Variants in FAAH2 observed in about 807,000 individuals in gnomAD.
The protein encoded by FAAH2 is fatty acid amide hydrolase 2, also known as fatty-acid amide hydrolase 2.
In FAAH2, 60 loss-of-function variants were observed where a neutral mutation model predicts 36.9. That is an observed-to-expected ratio of 1.63 (90% confidence interval 1.32 to 2.02). The LOEUF (loss-of-function observed/expected upper bound fraction) is 2.02, where lower values mean the gene tolerates loss of function less well. Among genes scored for constraint, FAAH2 ranks in the 30% most tolerant of loss-of-function variants. The pLI is 0.00. For missense variants in FAAH2, 689 were observed against 397.5 expected (o/e 1.73, Z -6.23); for synonymous variants, 214 against 143.8 (o/e 1.49, Z -3.49).
chrX:57,381,240 A>T (rs1191143764), intron 7 of FAAH2, among the ~76,000 whole-genome samples: 1 of 111,688 alleles, frequency 9.0e-6, no homozygotes, highest in Non-Finnish European at 1.9e-5. Flanking sequence ...TTGAAAATAA[A>T]GTATGATAAA....
chrX:57,156,805 T>C, the FAAH2 span, among the ~76,000 whole-genome samples: 1 of 111,559 alleles, frequency 9.0e-6, no homozygotes, highest in Non-Finnish European at 1.9e-5. Flanking sequence ...GGCACTCCTA[T>C]GACCACTGCA....
the FAAH2 span, among the ~76,000 whole-genome samples, chrX:57,236,045 C>G: frequency 8.9e-6 from 1 of 112,142 alleles, no homozygotes; most frequent in Non-Finnish European, 1.9e-5. Flanking sequence ...CTACTCTTTA[C>G]TTCTGTGAGA....
chrX:57,171,938 G>A, the FAAH2 span, among the ~76,000 whole-genome samples: 1 of 111,784 alleles, frequency 8.9e-6, no homozygotes, highest in African/African-American at 3.2e-5. Context: ...TTCTGTACAA[G>A]GTAAGCAATC....
At chrX:57,420,758 T>A (rs1442391300) in intron 7 of FAAH2, among the ~76,000 whole-genome samples, 1 of 108,219 alleles carries the variant, frequency 9.2e-6, no homozygotes, top group Non-Finnish European at 1.9e-5. Context: ...CAACACTATG[T>A]TGAATAGGAG....
intron 3 of FAAH2, among the ~76,000 whole-genome samples, chrX:57,320,104 T>G (rs903455791): frequency 2.7e-5 from 3 of 111,804 alleles, no homozygotes; most frequent in African/African-American, 9.7e-5. Context: ...GACATAGGCA[T>G]GGGTAAATAA....
chrX:57,327,935 G>GT (rs201002433), intron 3 of FAAH2, among the ~76,000 whole-genome samples: 5 of 111,125 alleles, frequency 4.5e-5, no homozygotes, highest in Non-Finnish European at 5.7e-5. Context: ...AGAGTTTCTG[G>GT]TTTTTTTGCT....
chrX:57,487,961 A>G (rs2057505406), intron 10 of FAAH2, among the ~76,000 whole-genome samples: 1 of 112,049 alleles, frequency 8.9e-6, no homozygotes, highest in Non-Finnish European at 1.9e-5. Context: ...TTTGTCCATA[A>G]AAGAACCATT....
intron 4 of FAAH2, among the ~76,000 whole-genome samples, chrX:57,335,723 A>T (rs112562331): frequency 0.14 from 15,968 of 110,691 alleles, 1,189 homozygotes; most frequent in Non-Finnish European, 0.21. Context: ...GGGCTGGGGG[A>T]CAGTCAGGTC....
At chrX:57,483,673 A>AT (rs2057420082) in intron 10 of FAAH2, among the ~76,000 whole-genome samples, 1 of 98,691 alleles carries the variant, frequency 1.0e-5, no homozygotes, top group South Asian at 4.4e-4. Flanking sequence ...TTCAGATGGT[A>AT]TTTTTCTTTC....
chrX:57,141,167 A>T, the FAAH2 span, among the ~76,000 whole-genome samples: 1 of 110,550 alleles, frequency 9.0e-6, no homozygotes, highest in Non-Finnish European at 1.9e-5. Flanking sequence ...ATTTCATTGA[A>T]TTTTTTTTGG....
intron 5 of FAAH2, among the ~76,000 whole-genome samples, chrX:57,367,701 G>C (rs2054452101): frequency 9.0e-6 from 1 of 111,643 alleles, no homozygotes; most frequent in Admixed American, 9.5e-5. Context: ...CCTCAAATGG[G>C]ATTCACTCAG....
Position 57,288,511 on chromosome X carries a change from G to A in FAAH2, c.192+1494G>A, listed in dbSNP as rs372916230. Among the ~76,000 whole-genome samples, 21 of 107,841 alleles carry A rather than the reference G, an allele frequency of 1.9e-4. No homozygotes were observed. In the East Asian group the frequency reaches 4.4e-3, roughly 22 times the overall value. 93.6% of individuals were successfully genotyped at this position (107,841 alleles called of 115,157 possible). On this transcript the variant is annotated intron_variant, in intron 1 of 10. Coordinates refer to ENST00000374900, the MANE Select transcript of FAAH2 (RefSeq NM_174912.4). ...ACTACAGGCGCCCGCCACCATGCCCGGCTAATATTTCGTATTTTTTAGTAG... is the reference window on the plus strand; with the variant it reads ...ACTACAGGCGCCCGCCACCATGCCCAGCTAATATTTCGTATTTTTTAGTAG...
At chrX:57,466,829 G>T (rs1224544898) in intron 10 of FAAH2, among the ~76,000 whole-genome samples, 2 of 111,416 alleles carry the variant, frequency 1.8e-5, no homozygotes, top group African/African-American at 3.3e-5. Context: ...AAGCATTAAG[G>T]GTGTGAAATA....
intron 3 of FAAH2, among the ~76,000 whole-genome samples, chrX:57,318,157 A>G (rs2052899955): frequency 9.0e-6 from 1 of 111,688 alleles, no homozygotes; most frequent in African/African-American, 3.2e-5. Flanking sequence ...TGAAATAACT[A>G]AGATCAGAGC....
chrX:57,150,686 C>G, the FAAH2 span, among the ~76,000 whole-genome samples: 1 of 112,155 alleles, frequency 8.9e-6, no homozygotes, highest in Admixed American at 9.4e-5. Flanking sequence ...GTGAATACAG[C>G]ACACTGATGG....
At chrX:57,183,282 T>C in the FAAH2 span, among the ~76,000 whole-genome samples, 1 of 111,574 alleles carries the variant, frequency 9.0e-6, no homozygotes, top group Non-Finnish European at 1.9e-5. Context: ...CACCTTAAGG[T>C]ACTATAACTA....
intron 8 of FAAH2, among the ~76,000 whole-genome samples, chrX:57,435,392 G>C (rs750140950): frequency 9.0e-6 from 1 of 111,040 alleles, no homozygotes; most frequent in African/African-American, 3.3e-5. Context: ...CTTCTAAAGA[G>C]AGATAGATTG....
chrX:57,147,202 C>G, the FAAH2 span, among the ~76,000 whole-genome samples: 1 of 111,354 alleles, frequency 9.0e-6, no homozygotes, highest in Non-Finnish European at 1.9e-5. Flanking sequence ...AACTTTTTTT[C>G]TTGTTGGTAA....
At chrX:57,137,260 C>T in the FAAH2 span, 1 of 762,032 alleles carries the variant, frequency 1.3e-6, no homozygotes, top group African/African-American at 2.3e-5. Context: ...AATCGGATAC[C>T]TCGATGCTGC....
Sources: gnomAD v4.1 joint callset for allele counts (sites outside exome capture counted in the v4.1 genomes callset) on GRCh38, gnomAD v4.1.1 for gene constraint, MANE v1.5 for transcripts, NCBI Gene and HGNC (gene_info 2026-07-23, HGNC 2026-07-21) for gene names.